PDHX: variants seen among roughly 807,000 people sequenced by gnomAD.
PDHX encodes the protein pyruvate dehydrogenase complex component X, also known as pyruvate dehydrogenase protein X component, mitochondrial.
A neutral mutation model predicts 55.3 loss-of-function variants in PDHX; 33 were observed. The observed-to-expected ratio is 0.60, with a 90% CI of 0.45 to 0.80. The LOEUF (loss-of-function observed/expected upper bound fraction) is 0.80. PDHX is among the 30% of genes least tolerant of loss of function. The pLI, the probability that PDHX is intolerant of heterozygous loss-of-function variation, is 0.00. For synonymous variants in PDHX, 226 were observed against 219.4 expected (o/e 1.03, Z -0.27); for missense variants, 622 against 619.9 (o/e 1.00, Z -0.04).
intron 7 of PDHX, among the ~76,000 whole-genome samples, chr11:34,973,193 C>T (rs1034017367): frequency 1.3e-5 from 2 of 152,122 alleles, no homozygotes; most frequent in African/African-American, 4.8e-5. Flanking sequence ...CTTATCTATT[C>T]CTTGTAATAT....
chr11:34,986,428 A>G (rs1855646296), intron 9 of PDHX, among the ~76,000 whole-genome samples: 1 of 152,150 alleles, frequency 6.6e-6, no homozygotes, highest in South Asian at 2.1e-4. Flanking sequence ...TTTCAGCGAC[A>G]ATGAGAATAT....
chr11:34,984,473 A>G (rs558421787), intron 8 of PDHX, 97 bp from the exon 9 acceptor site: 30 of 987,612 alleles, frequency 3.0e-5, no homozygotes, highest in Non-Finnish European at 4.1e-5. Context: ...TTATCTAGCT[A>G]TGTTCACTTT....
intron 9 of PDHX, among the ~76,000 whole-genome samples, chr11:34,986,862 G>A (rs1262385996): frequency 6.6e-6 from 1 of 152,162 alleles, no homozygotes; most frequent in African/African-American, 2.4e-5. Flanking sequence ...CTGCCCGTTA[G>A]CTTCTCATTC....
chr11:34,939,072 C>CTTATA (rs1854408161), intron 2 of PDHX, among the ~76,000 whole-genome samples: 1 of 152,158 alleles, frequency 6.6e-6, no homozygotes, highest in South Asian at 2.1e-4. Flanking sequence ...CACTTATTTA[C>CTTATA]TGTATACATG....
rs766332522 is a variant in PDHX, at chr11:34,957,395, A to T, written c.354A>T (p.Gly118=). Residue 118 remains glycine (G), a synonymous_variant, in exon 4 of 11, where the codon GGA becomes GGT. Coordinates refer to ENST00000227868, the MANE Select transcript of PDHX (RefSeq NM_003477.3). ...TTTTTTAAATATAGGTTGAAGAAGG[A>T]AGTAAAAATATACGGCTAGGTTCAC... is the stretch of plus-strand genomic sequence containing the variant. ...GILAKIVVEE[G]SKNIRLGSLI... 6.2e-7 allele frequency: 1 copy of T among 1,600,078 alleles called. No individual in the cohort carries two copies. The highest frequency in any genetic ancestry group is 8.6e-7 in the Non-Finnish European group (1 of 1,167,132).
chr11:34,918,551 C>T (rs1853800350), intron 1 of PDHX, among the ~76,000 whole-genome samples: 2 of 152,144 alleles, frequency 1.3e-5, no homozygotes, highest in Non-Finnish European at 2.9e-5. Context: ...TTCCCTATCC[C>T]CTAGACATAT....
chr11:34,967,441 C>G (rs1466370871), intron 6 of PDHX, among the ~76,000 whole-genome samples: 1 of 152,156 alleles, frequency 6.6e-6, no homozygotes, highest in Non-Finnish European at 1.5e-5. Flanking sequence ...TGTTTCATGT[C>G]TTAAGTGTGA....
chr11:34,975,638 A>AC, intron 7 of PDHX, among the ~76,000 whole-genome samples: 1 of 152,012 alleles, frequency 6.6e-6, no homozygotes, highest in East Asian at 1.9e-4. Flanking sequence ...GTTGTACCAT[A>AC]CTCTGCCCTC....
At chr11:34,976,919 T>C (rs929402949) in intron 7 of PDHX, among the ~76,000 whole-genome samples, 4 of 152,166 alleles carry the variant, frequency 2.6e-5, no homozygotes, top group Admixed American at 2.6e-4. Flanking sequence ...AGTAAGTTCA[T>C]GAACTGTTAC....
chr11:34,948,479 T>G (rs1321310861), intron 3 of PDHX, among the ~76,000 whole-genome samples: 1 of 152,162 alleles, frequency 6.6e-6, no homozygotes, highest in African/African-American at 2.4e-5. Flanking sequence ...GTATATTCTA[T>G]TCAAAGACTA....
At chr11:34,942,449 GAGTC>G (rs1854510605) in intron 2 of PDHX, among the ~76,000 whole-genome samples, 1 of 152,172 alleles carries the variant, frequency 6.6e-6, no homozygotes, top group African/African-American at 2.4e-5. Flanking sequence ...ATTTTCCTGA[GAGTC>G]AGAGAGATTA....
intron 2 of PDHX, among the ~76,000 whole-genome samples, chr11:34,935,742 C>T (rs1185012738): frequency 6.6e-6 from 1 of 152,142 alleles, no homozygotes; most frequent in Non-Finnish European, 1.5e-5. Flanking sequence ...TATGCGTCAT[C>T]TGGAGCAATG....
intron 7 of PDHX, among the ~76,000 whole-genome samples, chr11:34,971,310 T>A (rs529356231): frequency 6.6e-6 from 1 of 152,276 alleles, no homozygotes; most frequent in East Asian, 1.9e-4. Context: ...TATTTTCTTG[T>A]CTTATTGCAC....
intron 8 of PDHX, among the ~76,000 whole-genome samples, chr11:34,982,639 A>G (rs1051664172): frequency 6.6e-5 from 10 of 152,232 alleles, no homozygotes; most frequent in African/African-American, 1.9e-4. Context: ...AGAATACTAT[A>G]AACACCTCTA....
rs567566933 is a variant in PDHX at position 34,922,862 on chromosome 11, C to T, written c.160+6047C>T. Among the ~76,000 whole-genome samples, 292 of 104,256 alleles carry T rather than the reference C, an allele frequency of 2.8e-3. 2 individuals carry two copies. The highest frequency in any genetic ancestry group is 4.6e-3 in the Non-Finnish European group (242 of 52,822). The allele number at this position is 104,256 out of a possible 152,430, so 68.4% of individuals were successfully genotyped here. A position where few individuals can be genotyped will look rare whatever the true frequency, so the allele number is the denominator to read the frequency against. On this transcript the variant is annotated intron_variant, in intron 1 of 10. Transcript: ENST00000227868. ...CAAAATGTGTAAATTCCCAAAGTAT[C>T]GTTGTGTGTGTGTGTGTGTGTGTGT... is the stretch of plus-strand genomic sequence containing the variant.
At chr11:34,918,222 A>G (rs1006584187) in intron 1 of PDHX, among the ~76,000 whole-genome samples, 2 of 151,774 alleles carry the variant, frequency 1.3e-5, no homozygotes, top group Non-Finnish European at 2.9e-5. Flanking sequence ...AGATTGCTAG[A>G]GCCCAGGAGT....
chr11:34,966,955 G>C, intron 6 of PDHX, 141 bp downstream of exon 6: 2 of 728,700 alleles, frequency 2.7e-6, no homozygotes, highest in Non-Finnish European at 2.4e-6. Context: ...AAGTTCAAGT[G>C]ATTCTCCTGC....
intron 9 of PDHX, among the ~76,000 whole-genome samples, chr11:34,988,807 C>G (rs995141134): frequency 2.1e-4 from 32 of 152,166 alleles, no homozygotes; most frequent in African/African-American, 7.2e-4. Context: ...CCGTGGTCAA[C>G]CACAGTTGAA....
At chr11:34,976,359 A>G (rs1431328529) in intron 7 of PDHX, among the ~76,000 whole-genome samples, 1 of 152,188 alleles carries the variant, frequency 6.6e-6, no homozygotes, top group Non-Finnish European at 1.5e-5. Context: ...TAAATGTAAC[A>G]GCATCTCCTT....
Sources: allele counts gnomAD v4.1 joint callset (sites outside exome capture counted in the v4.1 genomes callset), GRCh38; gene constraint gnomAD v4.1.1; transcripts MANE v1.5; gene names NCBI Gene and HGNC (gene_info 2026-07-23, HGNC 2026-07-21).